ATM: variants seen among roughly 807,000 people sequenced by gnomAD.
The protein encoded by ATM is ATM serine/threonine kinase.
In ATM, 308 loss-of-function variants were observed where a neutral mutation model predicts 387.0. The ratio of observed to expected loss-of-function variants is 0.80; its 90% CI spans 0.73 to 0.87. The LOEUF (loss-of-function observed/expected upper bound fraction) is 0.87. Ranked by LOEUF, ATM falls within the 40% of genes least tolerant of loss-of-function variation. The pLI, the probability that ATM is intolerant of heterozygous loss-of-function variation, is 0.00. For missense variants in ATM, 3,312 were observed against 3,560.9 expected, an observed-to-expected ratio of 0.93 and a Z score of 1.78; for synonymous variants, 1,156 against 1,187.3, an observed-to-expected ratio of 0.97 and a Z score of 0.54.
chr11:108,250,827 T>C lies in ATM; in HGVS notation c.1362T>C (p.Tyr454=), dbSNP rs1373614735. The part of the protein sequence containing the change: ...PQQRHGERTP[Y]VLRCLTEVAL... Reference sequence around the variant, plus strand: ...AGCGACATGGGGAACGTACACCATATGTGTTACGATGCCTTACGGAAGTTG... The same window carrying C: ...AGCGACATGGGGAACGTACACCATACGTGTTACGATGCCTTACGGAAGTTG... Residue 454 remains tyrosine, a synonymous_variant, in exon 10 of 63, where the codon TAT becomes TAC. Coordinates refer to ENST00000675843, the MANE Select transcript of ATM (RefSeq NM_000051.4). 2 of 1,614,158 alleles carry C rather than the reference T, an allele frequency of 1.2e-6. No homozygotes were observed. The highest frequency in any genetic ancestry group is 1.1e-5 in the South Asian group (1 of 91,086).
intron 39 of ATM, among the ~76,000 whole-genome samples, chr11:108,311,786 G>A (rs1028044926): frequency 5.9e-5 from 9 of 152,006 alleles, no homozygotes; most frequent in Non-Finnish European, 1.0e-4. Flanking sequence ...TTTATTTTAT[G>A]TACTAGATTA....
chr11:108,275,999 C>G (rs765178486), intron 22 of ATM, among the ~76,000 whole-genome samples: 52 of 152,324 alleles, frequency 3.4e-4, no homozygotes, highest in Non-Finnish European at 6.3e-4. Context: ...GTACACCAGA[C>G]AAACGTAGAT....
At position 108,268,454 on chromosome 11, in the gene ATM, C is replaced by G. The variant is rs1299030225; in HGVS notation, c.2683C>G (p.Leu895Val). The G allele has an allele frequency of 6.2e-7, 1 of 1,613,970 alleles. No individual in the cohort carries two copies. Among genetic ancestry groups the G allele is most frequent in the South Asian group, 1.1e-5 (1 of 91,074 alleles). The stretch of plus-strand genomic sequence containing the variant: ...TGAAGAATATCTGTCAAAGCAAGAT[C>G]TACTTTTCTTAGACATGCTCAAGTT... ...LAEEYLSKQD[L>V]LFLDMLKFLC... The change falls in exon 18 of 63, where the codon CTA becomes GTA. Residue 895 changes from leucine to valine, a missense_variant. By Grantham distance (32) the Leu-to-Val change is conservative. Around this residue, in one of 4 missense-constraint regions of ATM, gnomAD observed 1,791 missense variants for 1,804.5 expected, o/e 0.99. Transcript: ENST00000675843.
chr11:108,341,934 G>A (rs2136901306), intron 56 of ATM, among the ~76,000 whole-genome samples: 1 of 152,302 alleles, frequency 6.6e-6, no homozygotes, highest in Admixed American at 6.5e-5. Context: ...CCGAGGTGAA[G>A]ATGTATCTCT....
intron 61 of ATM, among the ~76,000 whole-genome samples, chr11:108,358,220 T>A (rs2090264550): frequency 6.6e-6 from 1 of 150,720 alleles, no homozygotes; most frequent in Non-Finnish European, 1.5e-5. Context: ...ATGAATGAAA[T>A]GAAGCGAGAA....
rs759878732 is a variant in ATM, at chr11:108,326,174, C to A, written c.6924C>A (p.Ala2308=). ...VFWAKKEQSL[A]LSILKQMIKK... is the part of the protein sequence containing the mutation. ...GGGCAAAAAAGGAGCAGAGTCTTGC[C>A]CTGAGTATTCTCAAGCAAATGATCA... The change falls in exon 47 of 63, where the codon GCC becomes GCA. Residue 2308 remains alanine, a synonymous_variant. Transcript: ENST00000675843. 6.2e-7 allele frequency: 1 copy of A among 1,613,928 alleles called. No individual in the cohort carries two copies. The highest frequency in any genetic ancestry group is 8.5e-7 in the Non-Finnish European group (1 of 1,179,988).
At chr11:108,330,157 T>C in intron 49 of ATM, 57 bp from the exon 50 acceptor site, 1 of 1,555,176 alleles carries the variant, frequency 6.4e-7, no homozygotes, top group Non-Finnish European at 8.8e-7. Context: ...ATGTGTGATT[T>C]TGTAGTTCTG....
chr11:108,244,893 T>G lies in ATM; in HGVS notation c.768T>G (p.Asp256Glu), dbSNP rs2135240340. 1 of 1,613,864 alleles carries G rather than the reference T, an allele frequency of 6.2e-7. No homozygotes were observed. Among genetic ancestry groups the G allele is most frequent in the Non-Finnish European group, 8.5e-7 (1 of 1,179,876 alleles). The change falls in exon 7 of 63, where the codon GAT becomes GAG. Residue 256 changes from aspartate (D) to glutamate (E), a missense_variant. Asp to Glu is a conservative substitution (Grantham distance 45, BLOSUM62 2). This residue lies in a region of ATM where 1,791 missense variants were observed against 1,804.5 expected (regional missense o/e 0.99). Transcript: ENST00000675843. Reference protein sequence around the residue: ...NFRIRVCELGDEILPTLLYIW... With the variant: ...NFRIRVCELGEEILPTLLYIW... ...GAATTCGAGTGTGTGAATTAGGAGA[T>G]GAAATTCTTCCCACTTTGCTTTATA...
At chr11:108,318,234 C>T (rs890533353) in intron 43 of ATM, among the ~76,000 whole-genome samples, 4 of 151,804 alleles carry the variant, frequency 2.6e-5, no homozygotes, top group East Asian at 1.9e-4. Context: ...TGGCAGCATG[C>T]GCCTGTAGTC....
chr11:108,269,885 A>C (rs1468386102), intron 18 of ATM, among the ~76,000 whole-genome samples: 1 of 152,230 alleles, frequency 6.6e-6, no homozygotes, highest in Non-Finnish European at 1.5e-5. Context: ...AGGTCCTCGC[A>C]GATACTCAAG....
At chr11:108,280,923 A>G in intron 23 of ATM, 72 bp from the exon 24 acceptor site, 1 of 1,397,680 alleles carries the variant, frequency 7.2e-7, no homozygotes, top group Non-Finnish European at 9.9e-7. Flanking sequence ...TCTGGAGTTC[A>G]GTTGGGATTT....
At position 108,320,201 on chromosome 11, in the gene ATM, T is replaced by C. The variant is rs2085101996; in HGVS notation, c.6452+143T>C. 5.9e-6 allele frequency: 4 copies of C among 677,134 alleles called. No homozygotes were observed. In the East Asian group the frequency reaches 1.1e-4, roughly 18 times the overall value. 41.9% of individuals were successfully genotyped at this position (677,134 alleles called of 1,614,324 possible). On this transcript the variant is annotated intron_variant, in intron 44 of 62. Transcript: ENST00000675843. ...GTGGCTGTGATCAGATGTTTCCTTGTAATTCTCTGCCCTCCTTCAAAACAA... is the reference window on the plus strand; with the variant it reads ...GTGGCTGTGATCAGATGTTTCCTTGCAATTCTCTGCCCTCCTTCAAAACAA...
Position 108,331,889 on chromosome 11 carries a change from G to A in ATM, c.7640G>A (p.Arg2547Lys). The A allele has an allele frequency of 6.2e-7, 1 of 1,613,274 alleles. No individual in the cohort carries two copies. Among genetic ancestry groups the A allele is most frequent in the South Asian group, 1.1e-5 (1 of 91,048 alleles). ...FHEVLNNLISRISMDHPHHTL... is the reference protein window; with the variant it reads ...FHEVLNNLISKISMDHPHHTL... ...GTTCTTTTCTTACAGCTAATCTCTA[G>A]AATTTCAATGGATCACCCCCATCAC... Residue 2547 changes from arginine (R) to lysine (K), a missense_variant, in exon 52 of 63, where the codon AGA (arginine) becomes AAA (lysine). Arg to Lys is a conservative substitution (Grantham distance 26). Transcript: ENST00000675843.
chr11:108,311,713 AAAATT>A (rs1761742163), intron 39 of ATM, among the ~76,000 whole-genome samples: 1 of 152,152 alleles, frequency 6.6e-6, no homozygotes, highest in Non-Finnish European at 1.5e-5. Context: ...CAAAAAAAAA[AAAATT>A]AAGAAACTGG....
intron 22 of ATM, among the ~76,000 whole-genome samples, chr11:108,278,191 G>A (rs1442786477): frequency 2.6e-5 from 4 of 152,140 alleles, no homozygotes; most frequent in African/African-American, 4.8e-5. Flanking sequence ...TGAATATGCC[G>A]ACAGTAATGT....
chr11:108,318,889 T>A (rs1199404019), intron 43 of ATM, among the ~76,000 whole-genome samples: 1 of 151,560 alleles, frequency 6.6e-6, no homozygotes, highest in Non-Finnish European at 1.5e-5. Flanking sequence ...AAAAAAAAAA[T>A]TATTGGCCGA....
chr11:108,254,774 TC>T (rs1424704422), intron 13 of ATM, among the ~76,000 whole-genome samples: 1 of 152,068 alleles, frequency 6.6e-6, no homozygotes. Flanking sequence ...GCCTCAGTCT[TC>T]CGAGTAGCTG....
At chr11:108,227,539 T>G in intron 1 of ATM, 56 bp from the exon 2 acceptor site, 1 of 1,097,386 alleles carries the variant, frequency 9.1e-7, no homozygotes. Flanking sequence ...CCTCTTTCTC[T>G]CTATATATGC....
chr11:108,330,651 G>A (rs2086157516), intron 50 of ATM, among the ~76,000 whole-genome samples: 1 of 152,198 alleles, frequency 6.6e-6, no homozygotes, highest in Non-Finnish European at 1.5e-5. Context: ...CTGACAAGCT[G>A]TAAATGATGC....
Sources: allele counts gnomAD v4.1 joint callset (sites outside exome capture counted in the v4.1 genomes callset), GRCh38; gene constraint gnomAD v4.1.1; regional missense constraint gnomAD v4.1.1; transcripts MANE v1.5; gene names NCBI Gene and HGNC (gene_info 2026-07-23, HGNC 2026-07-21).